Variants in SPTBN2 observed in about 807,000 individuals in gnomAD.
The protein encoded by SPTBN2 is spectrin beta chain, non-erythrocytic 2.
Under a neutral mutation model 284.2 loss-of-function variants are expected in SPTBN2, and 107 were observed. The ratio of observed to expected loss-of-function variants is 0.38; its 90% CI spans 0.32 to 0.44. SPTBN2 has a LOEUF of 0.44. SPTBN2 is among the 20% of genes least tolerant of loss of function. The probability of loss-of-function intolerance (pLI) is 1.00; values close to 1 mark genes in which losing one functional copy is unlikely to be tolerated. For missense variants in SPTBN2, 2,569 were observed against 3,287.1 expected (o/e 0.78, Z 5.34); for synonymous variants, 1,289 against 1,354.8 (o/e 0.95, Z 1.07).
chr11:66,709,548 T>C (rs1238235191), intron 10 of SPTBN2, among the ~76,000 whole-genome samples: 1 of 152,234 alleles, frequency 6.6e-6, no homozygotes, highest in Non-Finnish European at 1.5e-5. Context: ...AATAAATGCA[T>C]TTCTTTAATA....
chr11:66,701,687 C>T lies in SPTBN2; in HGVS notation c.2713G>A (p.Ala905Thr). ...TCATTCACCGCGGTGATTTGTGCTGCAAGGGTGTTCATTTCAGGCTCCAGG... is the reference window on the plus strand; with the variant it reads ...TCATTCACCGCGGTGATTTGTGCTGTAAGGGTGTTCATTTCAGGCTCCAGG... ...ETLEPEMNTL[A>T]AQITAVNDIA... The change falls in exon 16 of 38, where the codon GCA (alanine) becomes ACA (threonine). Residue 905 changes from alanine (A) to threonine (T), a missense_variant. Coordinates refer to ENST00000533211, the MANE Select transcript of SPTBN2 (RefSeq NM_006946.4). 6.2e-7 allele frequency: 1 copy of T among 1,614,042 alleles called. No homozygotes were observed. The highest frequency in any genetic ancestry group is 1.3e-5 in the African/African-American group (1 of 74,982).
In SPTBN2 at chr11:66,705,789, C is replaced by A; in HGVS notation, c.1702G>T (p.Asp568Tyr). Residue 568 changes from aspartate to tyrosine, a missense_variant, in exon 14 of 38, where the codon GAC (aspartate) becomes TAC (tyrosine). Physicochemically the swap from Asp to Tyr is radical, Grantham distance 160. This residue lies in a region of SPTBN2 where 1,012 missense variants were observed against 1,248.9 expected (regional missense o/e 0.81). Transcript: ENST00000533211. ...ACCAGCTCGTGCAGCTGCAGCAGGT[C>A]CTCCACTCCTGCTAGGTGCCTGCCC... ...DLGRHLAGVE[D>Y]LLQLHELVEA... 1 of 1,612,368 alleles carries A rather than the reference C, an allele frequency of 6.2e-7. No individual in the cohort carries two copies.
In SPTBN2 at chr11:66,721,424, G is replaced by A. The variant is rs1942398314; in HGVS notation, c.-97C>T. Reference sequence around the variant, plus strand: ...GAAATCAGCCCCCAGGGGAAGAGGGGAAGCCACCTGGGAAGCCTGGGGACG... The same window carrying A: ...GAAATCAGCCCCCAGGGGAAGAGGGAAAGCCACCTGGGAAGCCTGGGGACG... On this transcript the variant is annotated 5_prime_UTR_variant, in exon 2 of 38. Coordinates refer to ENST00000533211, the MANE Select transcript of SPTBN2 (RefSeq NM_006946.4). 2 of 756,602 alleles carry A rather than the reference G, an allele frequency of 2.6e-6. No individual in the cohort carries two copies. Among genetic ancestry groups the A allele is most frequent in the Non-Finnish European group, 4.5e-6 (2 of 445,874 alleles). The allele number at this position is 756,602 out of a possible 1,614,324, so 46.9% of individuals were successfully genotyped here.
rs1205523398 is a variant in SPTBN2, at chr11:66,688,787, C to G, written c.6097G>C (p.Glu2033Gln). The change falls in exon 31 of 38, where the codon GAG (glutamate) becomes CAG (glutamine). Residue 2033 changes from glutamate (E) to glutamine (Q), a missense_variant. Physicochemically the swap from Glu to Gln is conservative, Grantham distance 29. Around this residue, in one of 6 missense-constraint regions of SPTBN2, gnomAD observed 1,130 missense variants for 1,317.3 expected, o/e 0.86. Transcript: ENST00000533211. ...GMAEAWLCSQ[E>Q]PLVRSAELGC... Reference sequence around the variant, plus strand: ...AGCTCAGCGCTGCGCACCAGTGGCTCCTGGCTGCAGAGCCAGGCCTCTGCC... The same window carrying G: ...AGCTCAGCGCTGCGCACCAGTGGCTGCTGGCTGCAGAGCCAGGCCTCTGCC... 35 of 1,613,164 alleles carry G rather than the reference C, an allele frequency of 2.2e-5. No individual in the cohort carries two copies. Among genetic ancestry groups the G allele is most frequent in the Non-Finnish European group, 2.9e-5 (34 of 1,180,034 alleles).
chr11:66,719,575 T>C (rs1053088614), intron 3 of SPTBN2, among the ~76,000 whole-genome samples: 3 of 152,102 alleles, frequency 2.0e-5, no homozygotes, highest in African/African-American at 7.2e-5. Context: ...TGCACAGACA[T>C]GGTGACAGTG....
At chr11:66,721,291 T>C in intron 2 of SPTBN2, 29 bp from the exon 3 acceptor site, 1 of 1,608,368 alleles carries the variant, frequency 6.2e-7, no homozygotes, top group Non-Finnish European at 8.5e-7. Flanking sequence ...CAGTGAGGGG[T>C]GTCCAGGGAC....
intron 15 of SPTBN2, among the ~76,000 whole-genome samples, chr11:66,702,507 T>C (rs1422386275): frequency 6.6e-6 from 1 of 152,056 alleles, no homozygotes; most frequent in African/African-American, 2.4e-5. Context: ...AAATGTTTTC[T>C]GTGAAGGGCT....
At chr11:66,686,309 A>G (rs1302076047) in intron 37 of SPTBN2, 89 bp downstream of exon 37, 1 of 1,566,510 alleles carries the variant, frequency 6.4e-7, no homozygotes, top group Non-Finnish European at 8.8e-7. Context: ...AAGACCAGGA[A>G]AAAGAGGGAG....
At position 66,722,892 on chromosome 11, in the gene SPTBN2, CAAAAAAAAAAAA is replaced by C. The variant is rs1293210992; in HGVS notation, c.-113-1464_-113-1453del. On this transcript the variant is annotated intron_variant, in intron 1 of 37. Transcript: ENST00000533211. ...TGCGAGAGAGAGTGAGATTCTGCCT[CAAAAAAAAAAAA>C]AAAAAAAAAAGACATTAAGTTACTG... Among the ~76,000 whole-genome samples the C allele has an allele frequency of 5.6e-4, 31 of 55,222 alleles. No homozygotes were observed. The South Asian group carries it at 0.02, about 35-fold the overall frequency. The allele number at this position is 55,222 out of a possible 152,430, so 36.2% of individuals were successfully genotyped here.
intron 1 of SPTBN2, among the ~76,000 whole-genome samples, chr11:66,738,573 T>G (rs1192954759): frequency 1.3e-5 from 2 of 151,820 alleles, no homozygotes; most frequent in Non-Finnish European, 2.9e-5. Flanking sequence ...TGGAGTGCAG[T>G]GGTGTGATCT....
chr11:66,701,214 T>C lies in SPTBN2; in HGVS notation c.2885A>G (p.Asn962Ser). The C allele has an allele frequency of 6.2e-7, 1 of 1,613,136 alleles. No homozygotes were observed. Among genetic ancestry groups the C allele is most frequent in the Non-Finnish European group, 8.5e-7 (1 of 1,180,018 alleles). The change falls in exon 17 of 38, where the codon AAC becomes AGC. Residue 962 changes from asparagine to serine, a missense_variant. By Grantham distance (46) the Asn-to-Ser change is conservative. Around this residue, in one of 6 missense-constraint regions of SPTBN2, gnomAD observed 1,012 missense variants for 1,248.9 expected, o/e 0.81. Transcript: ENST00000533211. ...GGTCTCCGTGCACTCTAAGTGGTAG[T>C]TCTGGATGCTCAGGGCTGAGGTGAG... ...AALTSALSIQ[N>S]YHLECTETQA...
chr11:66,738,668 A>G (rs1942874137), intron 1 of SPTBN2, among the ~76,000 whole-genome samples: 1 of 152,160 alleles, frequency 6.6e-6, no homozygotes, highest in Non-Finnish European at 1.5e-5. Context: ...GGTGCTCGCC[A>G]CCACGCCCGG....
At position 66,690,100 on chromosome 11, in the gene SPTBN2, G is replaced by A. The variant is rs868609865; in HGVS notation, c.5749C>T (p.Arg1917Trp). 12 of 1,614,238 alleles carry A rather than the reference G, an allele frequency of 7.4e-6. No homozygotes were observed. Among genetic ancestry groups the A allele is most frequent in the East Asian group, 4.5e-5 (2 of 44,890 alleles). Residue 1917 changes from arginine to tryptophan, a missense_variant, in exon 28 of 38, where the codon CGG becomes TGG. By Grantham distance (101) the Arg-to-Trp change is moderately radical. Coordinates refer to ENST00000533211, the MANE Select transcript of SPTBN2 (RefSeq NM_006946.4). Reference sequence around the variant, plus strand: ...TCATCCATCCAGAGCATCAGTTCCCGGACAGCCTTGAAGAAGCGGAACTTG... The same window carrying A: ...TCATCCATCCAGAGCATCAGTTCCCAGACAGCCTTGAAGAAGCGGAACTTG... ...TDKFRFFKAV[R>W]ELMLWMDEVN...
Position 66,687,907 on chromosome 11 carries a change from T to C in SPTBN2, c.6462A>G (p.Gly2154=). Residue 2154 remains glycine (G), a synonymous_variant, in exon 34 of 38, where the codon GGA becomes GGG. Transcript: ENST00000533211. This position sits in a 1 kb window ranked among gnomAD's most constrained non-coding sequence, Gnocchi z 5.2. ...AGCTGCTGTGCTCAAGTCTCTGTTG[T>C]CCCAGCAGGGGCTGCAAGGACAAGA... ...TDGEPSQPLL[G]QQRLEHSSFP... 1.2e-6 allele frequency: 2 copies of C among 1,614,132 alleles called. No individual in the cohort carries two copies. The highest frequency in any genetic ancestry group is 1.7e-6 in the Non-Finnish European group (2 of 1,180,016).
chr11:66,686,021 C>T lies in SPTBN2; in HGVS notation c.7023G>A (p.Val2341=), dbSNP rs764280867. Residue 2341 remains valine, a synonymous_variant, in exon 38 of 38, where the codon GTG becomes GTA. Transcript: ENST00000533211. ...TCATGCCCCGGGTGGTGCTGGGCACCACCGGCTCTTCAGGCTCTCCAGAGG... is the reference window on the plus strand; with the variant it reads ...TCATGCCCCGGGTGGTGCTGGGCACTACCGGCTCTTCAGGCTCTCCAGAGG... ...SSASGEPEEP[V]VPSTTRGMTR... is the part of the protein sequence containing the mutation. 5.0e-6 allele frequency: 8 copies of T among 1,613,732 alleles called. No homozygotes were observed. The South Asian group carries it at 8.8e-5, about 18-fold the overall frequency.
intron 3 of SPTBN2, among the ~76,000 whole-genome samples, chr11:66,720,054 G>C (rs935534993): frequency 6.6e-6 from 1 of 152,180 alleles, no homozygotes; most frequent in Non-Finnish European, 1.5e-5. Context: ...GAAAAATCCT[G>C]AGTTCTGGAC....
chr11:66,744,022 G>A (rs1942928944), intron 1 of SPTBN2, among the ~76,000 whole-genome samples: 3 of 151,980 alleles, frequency 2.0e-5, no homozygotes, highest in Admixed American at 2.0e-4. Context: ...CACCACGCCC[G>A]GCTAATTTTT....
At chr11:66,723,042 C>T (rs1234608981) in intron 1 of SPTBN2, among the ~76,000 whole-genome samples, 1 of 152,106 alleles carries the variant, frequency 6.6e-6, no homozygotes, top group Non-Finnish European at 1.5e-5. Context: ...ACACAGGTTC[C>T]TCAACCGTCT....
Position 66,704,932 on chromosome 11 carries a change from T to TGGAGAACTC in SPTBN2, c.2335_2343dup (p.Glu779_Ser781dup). 4 of 1,611,374 alleles carry TGGAGAACTC rather than the reference T, an allele frequency of 2.5e-6. No individual in the cohort carries two copies. The highest frequency in any genetic ancestry group is 3.4e-6 in the Non-Finnish European group (4 of 1,179,892). ...CGATGCTGCCTGGCTAGAGCCTGCGTGGAGAACTCGTCGTGCCCCAGCTCG... is the reference window on the plus strand; with the variant it reads ...CGATGCTGCCTGGCTAGAGCCTGCGTGGAGAACTCGGAGAACTCGTCGTGCCCCAGCTCG... On this transcript the variant is annotated inframe_insertion, in exon 15 of 38. Transcript: ENST00000533211.
Sources: gnomAD v4.1 joint callset for allele counts (sites outside exome capture counted in the v4.1 genomes callset) on GRCh38, gnomAD v4.1.1 for gene constraint, gnomAD v4.1.1 regional missense constraint, Gnocchi (gnomAD v3.1) non-coding constraint, MANE v1.5 for transcripts, NCBI Gene and HGNC (gene_info 2026-07-23, HGNC 2026-07-21) for gene names.